CFAP263: variants seen among roughly 807,000 people sequenced by gnomAD.
The protein encoded by CFAP263 is cilia- and flagella-associated protein 263.
the CFAP263 span, chr16:58,280,442 G>A: frequency 2.1e-5 from 34 of 1,614,040 alleles, 1 homozygote; most frequent in African/African-American, 2.7e-4. Context: ...TTTCCTAGTC[G>A]TGAATGCGTG....
the CFAP263 span, among the ~76,000 whole-genome samples, chr16:58,251,247 TCA>T: frequency 6.6e-6 from 1 of 152,202 alleles, no homozygotes; most frequent in Non-Finnish European, 1.5e-5. Context: ...TTCCCTAAGT[TCA>T]CACAGTCAGT....
the CFAP263 span, chr16:58,267,455 ACT>A: frequency 4.0e-6 from 6 of 1,515,614 alleles, no homozygotes; most frequent in Non-Finnish European, 5.5e-6. Flanking sequence ...TTAGCTCAAG[ACT>A]TGCTGTGTTG....
At chr16:58,262,499 C>T in the CFAP263 span, 1 of 1,612,618 alleles carries the variant, frequency 6.2e-7, no homozygotes. Flanking sequence ...CCAGCTAAAG[C>T]TGTCATCTGG....
the CFAP263 span, among the ~76,000 whole-genome samples, chr16:58,263,307 G>T: frequency 1.3e-5 from 2 of 152,092 alleles, no homozygotes; most frequent in South Asian, 4.2e-4. Flanking sequence ...AAGCAAAATT[G>T]GTTTCTTCCC....
chr16:58,279,918 C>A, the CFAP263 span: 2 of 678,626 alleles, frequency 2.9e-6, no homozygotes, highest in East Asian at 5.3e-5. Flanking sequence ...ATCTCCTGGG[C>A]CACATCTGCC....
the CFAP263 span, chr16:58,267,460 C>T: frequency 1.3e-6 from 2 of 1,541,804 alleles, no homozygotes; most frequent in African/African-American, 2.7e-5. Context: ...TCAAGACTTG[C>T]TGTGTTGTTA....
At chr16:58,282,009 ATTT>A in the CFAP263 span, 4 of 131,128 alleles carry the variant, frequency 3.1e-5, no homozygotes, top group Non-Finnish European at 6.3e-5. Flanking sequence ...TGCCCAGCTA[ATTT>A]TTTTTTTTTT....
At chr16:58,280,222 G>C in the CFAP263 span, 1 of 1,605,512 alleles carries the variant, frequency 6.2e-7, no homozygotes, top group Admixed American at 1.7e-5. Flanking sequence ...GTAGCTCCTG[G>C]ACTAGATACT....
chr16:58,262,255 C>A, the CFAP263 span: 1 of 807,386 alleles, frequency 1.2e-6, no homozygotes, highest in Non-Finnish European at 2.0e-6. Flanking sequence ...AACAGATGCC[C>A]AATATGTGTT....
chr16:58,256,378 G>A, the CFAP263 span, among the ~76,000 whole-genome samples: 1 of 152,174 alleles, frequency 6.6e-6, no homozygotes, highest in Admixed American at 6.5e-5. Context: ...AGGAGGTAGG[G>A]CTTAAAAGAG....
chr16:58,261,447 G>T, the CFAP263 span, among the ~76,000 whole-genome samples: 3 of 152,170 alleles, frequency 2.0e-5, no homozygotes, highest in Non-Finnish European at 4.4e-5. Context: ...CCTTAATGCC[G>T]CTGCTACACA....
At chr16:58,249,955 G>A in the CFAP263 span, 1 of 1,189,114 alleles carries the variant, frequency 8.4e-7, no homozygotes, top group Non-Finnish European at 1.2e-6. Flanking sequence ...GTGACGCGTG[G>A]CCGCCGGCAC....
chr16:58,260,928 A>C, the CFAP263 span, among the ~76,000 whole-genome samples: 38 of 152,158 alleles, frequency 2.5e-4, no homozygotes, highest in African/African-American at 9.2e-4. Flanking sequence ...TTAGCTGTAG[A>C]GTACCTGATA....
the CFAP263 span, among the ~76,000 whole-genome samples, chr16:58,273,807 C>G: frequency 5.5e-4 from 83 of 152,258 alleles, no homozygotes; most frequent in African/African-American, 2.0e-3. Flanking sequence ...CCTCCCATCC[C>G]TTTCTTGGGC....
the CFAP263 span, among the ~76,000 whole-genome samples, chr16:58,251,028 T>C: frequency 6.6e-6 from 1 of 152,220 alleles, no homozygotes; most frequent in African/African-American, 2.4e-5. Context: ...AACTTACTGG[T>C]CTTGCACAGA....
the CFAP263 span, chr16:58,253,876 G>A: frequency 1.0e-6 from 1 of 982,030 alleles, no homozygotes; most frequent in Admixed American, 2.2e-5. Flanking sequence ...CCATGAATTT[G>A]TTCTCCCTGG....
the CFAP263 span, chr16:58,249,950 G>T: frequency 1.8e-6 from 2 of 1,103,288 alleles, no homozygotes; most frequent in East Asian, 2.6e-5. Flanking sequence ...CCGGAGTGAC[G>T]CGTGGCCGCC....
At chr16:58,253,809 C>A in the CFAP263 span, among the ~76,000 whole-genome samples, 1 of 152,158 alleles carries the variant, frequency 6.6e-6, no homozygotes, top group African/African-American at 2.4e-5. Flanking sequence ...AGTGCAGGGG[C>A]TTAGGATGAC....
At chr16:58,257,010 A>ATTTTTTTTTTTT in the CFAP263 span, among the ~76,000 whole-genome samples, 12 of 50,176 alleles carry the variant, frequency 2.4e-4, no homozygotes, top group African/African-American at 3.8e-4. Flanking sequence ...GCATATATGA[A>ATTTTTTTTTTTT]TTTCTTTTTT....
Sources: allele counts gnomAD v4.1 joint callset (sites outside exome capture counted in the v4.1 genomes callset), GRCh38; gene constraint gnomAD v4.1.1; transcripts MANE v1.5; gene names NCBI Gene and HGNC (gene_info 2026-07-23, HGNC 2026-07-21).